Variants in CSMD1 observed in about 807,000 individuals in gnomAD.
CSMD1 encodes CUB and sushi domain-containing protein 1.
CSMD1 carries 213 observed loss-of-function variants against 417.5 expected under a neutral mutation model. The ratio of observed to expected loss-of-function variants is 0.51; its 90% CI spans 0.46 to 0.57. The LOEUF (loss-of-function observed/expected upper bound fraction) is 0.57. Ranked by LOEUF, CSMD1 falls within the 20% of genes least tolerant of loss-of-function variation. The pLI is 0.00. For synonymous variants in CSMD1, 2,862 were observed against 1,736.8 expected (o/e 1.65, Z -16.11); for missense variants, 6,923 against 4,529.7 (o/e 1.53, Z -15.17).
chr8:4,172,962 C>T (rs1797849029), intron 3 of CSMD1, among the ~76,000 whole-genome samples: 1 of 152,104 alleles, frequency 6.6e-6, no homozygotes, highest in African/African-American at 2.4e-5. Context: ...CTGAGGCAGG[C>T]AGCTAAACCA....
At chr8:4,203,580 G>A (rs576348185) in intron 3 of CSMD1, among the ~76,000 whole-genome samples, 7 of 152,056 alleles carry the variant, frequency 4.6e-5, no homozygotes, top group African/African-American at 1.4e-4. Context: ...GTGTAGCTGG[G>A]AGACTTAGAA....
intron 3 of CSMD1, among the ~76,000 whole-genome samples, chr8:4,281,046 T>G (rs1485363049): frequency 1.3e-5 from 2 of 152,194 alleles, no homozygotes; most frequent in East Asian, 3.9e-4. Context: ...TTGGTCTCTC[T>G]GGCTTCATGT....
chr8:4,300,639 T>G (rs1387094769), intron 3 of CSMD1, among the ~76,000 whole-genome samples: 1 of 152,198 alleles, frequency 6.6e-6, no homozygotes, highest in Non-Finnish European at 1.5e-5. Context: ...ACCCATTAAC[T>G]CGTCATTTAG....
At chr8:3,717,525 C>T (rs1801910077) in intron 6 of CSMD1, among the ~76,000 whole-genome samples, 1 of 152,028 alleles carries the variant, frequency 6.6e-6, no homozygotes, top group South Asian at 2.1e-4. Flanking sequence ...GTCACATGGC[C>T]ATGAAAGATT....
chr8:3,876,823 G>C (rs1805856382), intron 5 of CSMD1, among the ~76,000 whole-genome samples: 1 of 152,166 alleles, frequency 6.6e-6, no homozygotes, highest in Admixed American at 6.5e-5. Flanking sequence ...TGTTGCCCAA[G>C]GTGGTCTTGA....
intron 3 of CSMD1, among the ~76,000 whole-genome samples, chr8:4,054,213 G>T (rs1470086327): frequency 1.3e-5 from 2 of 152,114 alleles, no homozygotes; most frequent in African/African-American, 2.4e-5. Context: ...ATGATTTGGC[G>T]CCACCTCTCT....
At chr8:4,398,513 C>A (rs981150484) in intron 3 of CSMD1, among the ~76,000 whole-genome samples, 4 of 151,280 alleles carry the variant, frequency 2.6e-5, no homozygotes, top group African/African-American at 7.3e-5. Context: ...CTAGCCTCAG[C>A]CTCCCGAGTA....
intron 5 of CSMD1, among the ~76,000 whole-genome samples, chr8:3,993,645 G>C (rs989165700): frequency 6.6e-6 from 1 of 152,184 alleles, no homozygotes; most frequent in African/African-American, 2.4e-5. Context: ...GTCAAGTTAT[G>C]CTGGTTCATG....
chr8:4,581,041 G>T (rs2130696790), intron 2 of CSMD1, among the ~76,000 whole-genome samples: 1 of 152,232 alleles, frequency 6.6e-6, no homozygotes, highest in South Asian at 2.1e-4. Context: ...ATCAATCCAT[G>T]GAGCAAAGAC....
chr8:4,825,279 C>A (rs1799759987), intron 1 of CSMD1, among the ~76,000 whole-genome samples: 1 of 152,054 alleles, frequency 6.6e-6, no homozygotes, highest in Non-Finnish European at 1.5e-5. Context: ...ACAATCACCC[C>A]ACTCAAGGAT....
chr8:3,138,459 C>T (rs1818237348), intron 41 of CSMD1, among the ~76,000 whole-genome samples: 1 of 152,156 alleles, frequency 6.6e-6, no homozygotes, highest in African/African-American at 2.4e-5. Flanking sequence ...TTTGAAGGCA[C>T]CTCTATCCTG....
chr8:3,230,679 T>G (rs189489198), intron 26 of CSMD1, among the ~76,000 whole-genome samples: 2 of 152,236 alleles, frequency 1.3e-5, no homozygotes, highest in East Asian at 3.9e-4. Flanking sequence ...CCAATAACCT[T>G]TGTTGAGATG....
intron 3 of CSMD1, among the ~76,000 whole-genome samples, chr8:4,201,633 GC>G (rs1463813005): frequency 2.1e-5 from 3 of 146,126 alleles, no homozygotes; most frequent in Non-Finnish European, 4.5e-5. Flanking sequence ...ATACAAATAA[GC>G]CTTTATTTAC....
intron 1 of CSMD1, among the ~76,000 whole-genome samples, chr8:4,791,953 T>C (rs1797715525): frequency 6.6e-6 from 1 of 152,178 alleles, no homozygotes; most frequent in African/African-American, 2.4e-5. Flanking sequence ...TCCTTTTTTT[T>C]TAAATACAAG....
At chr8:3,257,787 G>C (rs1386049878) in intron 26 of CSMD1, among the ~76,000 whole-genome samples, 1 of 152,162 alleles carries the variant, frequency 6.6e-6, no homozygotes, top group Non-Finnish European at 1.5e-5. Flanking sequence ...GCTTCCAAGG[G>C]AGGTGTGAGG....
intron 3 of CSMD1, among the ~76,000 whole-genome samples, chr8:4,295,217 TATA>T (rs1217770082): frequency 2.9e-5 from 2 of 68,142 alleles, no homozygotes; most frequent in African/African-American, 4.8e-5. Flanking sequence ...AGATTTTCTA[TATA>T]ATCTTAAGAT....
At chr8:4,557,597 T>C (rs1190447889) in intron 2 of CSMD1, among the ~76,000 whole-genome samples, 1 of 151,306 alleles carries the variant, frequency 6.6e-6, no homozygotes, top group Middle Eastern at 3.4e-3. Flanking sequence ...TGTGTGTGTT[T>C]TGGGGAGGTG....
At chr8:3,634,131 G>T (rs1329785258) in intron 7 of CSMD1, among the ~76,000 whole-genome samples, 1 of 152,206 alleles carries the variant, frequency 6.6e-6, no homozygotes, top group African/African-American at 2.4e-5. Flanking sequence ...CCTGATGCTG[G>T]GAAGTAGCCT....
At chr8:3,689,794 C>T (rs576659392) in intron 7 of CSMD1, among the ~76,000 whole-genome samples, 1 of 152,148 alleles carries the variant, frequency 6.6e-6, no homozygotes, top group African/African-American at 2.4e-5. Flanking sequence ...CACAAAGTTA[C>T]AGTCTATTCA....
Sources: gnomAD v4.1 joint callset for allele counts (sites outside exome capture counted in the v4.1 genomes callset) on GRCh38, gnomAD v4.1.1 for gene constraint, MANE v1.5 for transcripts, NCBI Gene and HGNC (gene_info 2026-07-23, HGNC 2026-07-21) for gene names.